Variants in EYS observed in about 807,000 individuals in gnomAD.
The protein encoded by EYS is protein eyes shut homolog.
In EYS, 250 loss-of-function variants were observed where a neutral mutation model predicts 282.1. The observed-to-expected ratio is 0.89, with a 90% CI of 0.80 to 0.98. The LOEUF (loss-of-function observed/expected upper bound fraction) is 0.98. EYS is among the 50% of genes least tolerant of loss of function. The probability of loss-of-function intolerance (pLI) is 0.00; values close to 1 mark genes in which losing one functional copy is unlikely to be tolerated. For synonymous variants in EYS, 1,355 were observed against 1,282.9 expected (o/e 1.06, Z -1.20); for missense variants, 4,016 against 3,709.0 (o/e 1.08, Z -2.15).
rs188295676 is a variant in EYS, at chr6:63,965,795, G to C, written c.7055+18588C>G. Among the ~76,000 whole-genome samples the C allele has an allele frequency of 7.3e-4, 111 of 152,232 alleles. 1 individual carries two copies. Among genetic ancestry groups the C allele is most frequent in the Non-Finnish European group, 1.3e-3 (91 of 68,000 alleles). ...GGGGAACGGCTCATTATAACCAGTAGTTAGAAAGTATGAGTAAGTAAGACC... is the reference window on the plus strand; with the variant it reads ...GGGGAACGGCTCATTATAACCAGTACTTAGAAAGTATGAGTAAGTAAGACC... On this transcript the variant is annotated intron_variant, in intron 35 of 42. Transcript: ENST00000503581.
rs547346933 is a variant in EYS at position 64,278,720 on chromosome 6, C to T, written c.6191+28250G>A. Among the ~76,000 whole-genome samples the T allele has an allele frequency of 2.7e-5, 4 of 149,266 alleles. No individual in the cohort carries two copies. The South Asian group carries it at 8.5e-4, about 32-fold the overall frequency. On this transcript the variant is annotated intron_variant, in intron 30 of 42. Coordinates refer to ENST00000503581, the MANE Select transcript of EYS (RefSeq NM_001142800.2). ...AGTCTAGTTTGGTCAGCCAAAAACTCTCTCTCTCTCTCTCTCTCTTTCTCT... is the reference window on the plus strand; with the variant it reads ...AGTCTAGTTTGGTCAGCCAAAAACTTTCTCTCTCTCTCTCTCTCTTTCTCT...
intron 26 of EYS, among the ~76,000 whole-genome samples, chr6:64,528,705 A>C (rs539367473): frequency 1.3e-5 from 2 of 152,076 alleles, no homozygotes; most frequent in Non-Finnish European, 2.9e-5. Context: ...AGCCCTCAGC[A>C]ACTCTAATTA....
At chr6:64,778,149 G>C (rs909524304) in intron 22 of EYS, among the ~76,000 whole-genome samples, 1 of 152,094 alleles carries the variant, frequency 6.6e-6, no homozygotes, top group African/African-American at 2.4e-5. Context: ...ACTTGGACAG[G>C]AGCGAATGCC....
At chr6:63,733,118 A>G (rs906781105) in intron 41 of EYS, among the ~76,000 whole-genome samples, 5 of 152,074 alleles carry the variant, frequency 3.3e-5, no homozygotes, top group Admixed American at 6.6e-5. Flanking sequence ...AAGAACAGGA[A>G]GGAGGGCAGT....
intron 31 of EYS, among the ~76,000 whole-genome samples, chr6:64,147,558 T>C (rs1430172998): frequency 1.3e-5 from 2 of 152,186 alleles, no homozygotes; most frequent in South Asian, 2.1e-4. Flanking sequence ...GGAAGTCCAT[T>C]GCCTAATGAC....
intron 13 of EYS, among the ~76,000 whole-genome samples, chr6:65,016,965 G>A (rs1467559289): frequency 1.3e-5 from 2 of 152,160 alleles, no homozygotes; most frequent in African/African-American, 4.8e-5. Context: ...GATATTTTGT[G>A]CATTGTAAAA....
chr6:63,951,658 C>T lies in EYS; in HGVS notation c.7055+32725G>A, dbSNP rs574028085. Among the ~76,000 whole-genome samples the T allele has an allele frequency of 8.8e-4, 134 of 152,304 alleles. 1 individual carries two copies. Among genetic ancestry groups the T allele is most frequent in the African/African-American group, 3.1e-3 (130 of 41,576 alleles). ...TATAATCCTTTTATCTCCTCCCCTC[C>T]TCACACCTGGTCTGGCTTACAGTTT... On this transcript the variant is annotated intron_variant, in intron 35 of 42. Coordinates refer to ENST00000503581, the MANE Select transcript of EYS (RefSeq NM_001142800.2).
At chr6:65,369,275 AT>A (rs1455017305) in intron 8 of EYS, among the ~76,000 whole-genome samples, 1 of 127,726 alleles carries the variant, frequency 7.8e-6, no homozygotes, top group Non-Finnish European at 1.6e-5. Context: ...GTATATATAT[AT>A]TTATATATAT....
intron 32 of EYS, among the ~76,000 whole-genome samples, chr6:64,073,049 T>C (rs1481377889): frequency 6.6e-6 from 1 of 151,890 alleles, no homozygotes; most frequent in Non-Finnish European, 1.5e-5. Flanking sequence ...ATAGTCTTAT[T>C]CAAGTATACC....
intron 2 of EYS, among the ~76,000 whole-genome samples, chr6:65,566,306 C>G (rs576546390): frequency 1.3e-5 from 2 of 152,050 alleles, no homozygotes; most frequent in East Asian, 3.9e-4. Flanking sequence ...GCGCACTCAG[C>G]TCCTCCAGTA....
At chr6:65,062,715 C>T (rs1350802686) in intron 12 of EYS, among the ~76,000 whole-genome samples, 1 of 151,958 alleles carries the variant, frequency 6.6e-6, no homozygotes, top group African/African-American at 2.4e-5. Context: ...CTTGCTCTAA[C>T]AACTTCTATC....
At position 65,371,461 on chromosome 6, in the gene EYS, C is replaced by T. The variant is rs1220005586; in HGVS notation, c.1299+12925G>A. Reference sequence around the variant, plus strand: ...CGAGGATGTAACATTTGAGAAAATACCTACACAGAATGAAGAAACTGATGA... The same window carrying T: ...CGAGGATGTAACATTTGAGAAAATATCTACACAGAATGAAGAAACTGATGA... On this transcript the variant is annotated intron_variant, in intron 8 of 42. Transcript: ENST00000503581. 9.3e-5 allele frequency among the ~76,000 whole-genome samples: 14 copies of T among 149,812 alleles called. 1 individual carries two copies. In the Admixed American group the frequency reaches 1.0e-3, roughly 11 times the overall value.
At chr6:65,506,108 T>C (rs970075057) in intron 2 of EYS, among the ~76,000 whole-genome samples, 1 of 152,156 alleles carries the variant, frequency 6.6e-6, no homozygotes, top group Non-Finnish European at 1.5e-5. Context: ...GCAGAATTGA[T>C]TCCCTGAAGA....
At chr6:63,919,388 C>T (rs1764508902) in intron 35 of EYS, among the ~76,000 whole-genome samples, 1 of 107,110 alleles carries the variant, frequency 9.3e-6, no homozygotes, top group Non-Finnish European at 1.8e-5. Context: ...AAATATTTTG[C>T]TTCAGATTTT....
Position 65,494,948 on chromosome 6 carries a change from C to T in EYS, c.463G>A (p.Gly155Ser), listed in dbSNP as rs368874697. The T allele has an allele frequency of 2.7e-5, 44 of 1,613,986 alleles. No homozygotes were observed. Among genetic ancestry groups the T allele is most frequent in the Non-Finnish European group, 2.9e-5 (34 of 1,180,022 alleles). ...AGTCCCAGTGGACAAGGTGATGGAC[C>T]ACTTGCCATAACTGTGATAAAATAA... ...THYFITVMAS[G>S]PSPCPLGLRL... Residue 155 changes from glycine (G) to serine (S), a missense_variant, in exon 4 of 43, where the codon GGT (glycine) becomes AGT (serine). By Grantham distance (56) the Gly-to-Ser change is moderately conservative (BLOSUM62 0). Transcript: ENST00000503581.
chr6:64,475,014 T>C (rs1776218524), intron 26 of EYS, among the ~76,000 whole-genome samples: 2 of 152,164 alleles, frequency 1.3e-5, no homozygotes, highest in African/African-American at 4.8e-5. Context: ...CAACGGGAAA[T>C]ATAGGTGAGA....
At chr6:65,538,854 T>C (rs948640524) in intron 2 of EYS, among the ~76,000 whole-genome samples, 1 of 152,172 alleles carries the variant, frequency 6.6e-6, no homozygotes, top group Non-Finnish European at 1.5e-5. Context: ...CTTCACTCAC[T>C]GCATTCCAGC....
At chr6:64,240,127 A>G (rs1356187902) in intron 30 of EYS, among the ~76,000 whole-genome samples, 2 of 152,136 alleles carry the variant, frequency 1.3e-5, no homozygotes, top group African/African-American at 4.8e-5. Context: ...CTGTTTTGGT[A>G]CCAGTACCAT....
intron 22 of EYS, among the ~76,000 whole-genome samples, chr6:64,683,524 G>A (rs1352937169): frequency 6.6e-6 from 1 of 152,122 alleles, no homozygotes; most frequent in Non-Finnish European, 1.5e-5. Flanking sequence ...CAGTGAAATT[G>A]AAGTCATATA....
Sources: gnomAD v4.1 joint callset for allele counts (sites outside exome capture counted in the v4.1 genomes callset) on GRCh38, gnomAD v4.1.1 for gene constraint, MANE v1.5 for transcripts, NCBI Gene and HGNC (gene_info 2026-07-23, HGNC 2026-07-21) for gene names.